The following LARGE1 variants were observed in gnomAD, a reference collection of about 807,000 sequenced individuals.
LARGE1 encodes the protein xylosyl- and glucuronyltransferase LARGE1.
A neutral mutation model predicts 87.6 loss-of-function variants in LARGE1; 43 were observed. The observed-to-expected ratio is 0.49, with a 90% CI of 0.38 to 0.63. LARGE1 has a LOEUF of 0.63. Ranked by LOEUF, LARGE1 falls within the 30% of genes least tolerant of loss-of-function variation. The probability of loss-of-function intolerance (pLI) is 0.00; values close to 1 mark genes in which losing one functional copy is unlikely to be tolerated. For synonymous variants in LARGE1, 434 were observed against 394.6 expected (o/e 1.10, Z -1.18); for missense variants, 802 against 1,000.2 (o/e 0.80, Z 2.67).
At position 33,428,625 on chromosome 22, in the gene LARGE1, A is replaced by T. The variant is rs1329351791; in HGVS notation, c.892+3536T>A. On this transcript the variant is annotated intron_variant, in intron 7 of 14. Transcript: ENST00000397394. ...ACCGTGCCTGGCCTTGTCCTATCTT[A>T]AAAAAGAGAGAGAACTGCTGGGCAC... is the stretch of plus-strand genomic sequence containing the variant. Among the ~76,000 whole-genome samples the T allele has an allele frequency of 2.8e-4, 6 of 21,160 alleles. No individual in the cohort carries two copies. In the African/African-American group the frequency reaches 3.6e-3, roughly 13 times the overall value. 13.9% of individuals were successfully genotyped at this position (21,160 alleles called of 152,430 possible). A position where few individuals can be genotyped will look rare whatever the true frequency, so the allele number is the denominator to read the frequency against.
At chr22:33,442,090 A>G (rs908584734) in intron 6 of LARGE1, among the ~76,000 whole-genome samples, 1 of 152,218 alleles carries the variant, frequency 6.6e-6, no homozygotes, top group African/African-American at 2.4e-5. Flanking sequence ...GTTAGGCTGA[A>G]TAAGTGAAGA....
At chr22:33,735,756 T>C (rs2083633971) in intron 2 of LARGE1, among the ~76,000 whole-genome samples, 1 of 152,236 alleles carries the variant, frequency 6.6e-6, no homozygotes, top group Non-Finnish European at 1.5e-5. Context: ...TTCCGTAGCA[T>C]TTTAATCACC....
At chr22:33,784,403 C>G (rs933391712) in intron 1 of LARGE1, among the ~76,000 whole-genome samples, 1 of 152,106 alleles carries the variant, frequency 6.6e-6, no homozygotes, top group African/African-American at 2.4e-5. Flanking sequence ...AAAATATAAA[C>G]CCAGCAATCT....
intron 1 of LARGE1, among the ~76,000 whole-genome samples, chr22:33,788,002 G>A (rs2145959479): frequency 6.6e-6 from 1 of 152,288 alleles, no homozygotes; most frequent in East Asian, 1.9e-4. Flanking sequence ...ATGAAACCCT[G>A]CCCAGTAAAG....
At chr22:33,685,242 A>T (rs931525561) in intron 2 of LARGE1, among the ~76,000 whole-genome samples, 2 of 152,216 alleles carry the variant, frequency 1.3e-5, no homozygotes, top group Non-Finnish European at 2.9e-5. Context: ...GCCAGGGGGT[A>T]TTAATATACA....
chr22:33,689,413 CAG>C (rs2082033607), intron 2 of LARGE1, among the ~76,000 whole-genome samples: 1 of 152,072 alleles, frequency 6.6e-6, no homozygotes, highest in South Asian at 2.1e-4. Flanking sequence ...AGATAAAACA[CAG>C]AGAGATGAGA....
At chr22:33,897,523 G>A (rs779152995) in intron 1 of LARGE1, among the ~76,000 whole-genome samples, 10 of 152,252 alleles carry the variant, frequency 6.6e-5, no homozygotes, top group Admixed American at 1.3e-4. Context: ...GCAGCATGAC[G>A]GGAATACGCA....
At chr22:33,281,257 G>A (rs979771805) in intron 13 of LARGE1, among the ~76,000 whole-genome samples, 3 of 152,152 alleles carry the variant, frequency 2.0e-5, no homozygotes, top group African/African-American at 7.2e-5. Flanking sequence ...GAAGACGGCA[G>A]GAAGGATGCC....
At chr22:33,350,462 G>A (rs1422074948) in intron 9 of LARGE1, among the ~76,000 whole-genome samples, 3 of 152,102 alleles carry the variant, frequency 2.0e-5, no homozygotes, top group African/African-American at 4.8e-5. Context: ...TGTCCTCCTC[G>A]GGGGTGTGAC....
At position 33,565,019 on chromosome 22, in the gene LARGE1, A is replaced by C; in HGVS notation, c.616T>G (p.Ser206Ala). 2 of 1,613,982 alleles carry C rather than the reference A, an allele frequency of 1.2e-6. No homozygotes were observed. The highest frequency in any genetic ancestry group is 1.7e-6 in the Non-Finnish European group (2 of 1,179,806). Reference sequence around the variant, plus strand: ...TTATTGGGGATCCAGGAAACTTCAGACTAGACAGAACAAGGCAGAGAGAGA... The same window carrying C: ...TTATTGGGGATCCAGGAAACTTCAGCCTAGACAGAACAAGGCAGAGAGAGA... ...VDFYNADELK[S>A]EVSWIPNKHY... The change falls in exon 6 of 15, where the codon TCT becomes GCT. Residue 206 changes from serine (S) to alanine (A), a missense_variant and splice_region_variant. Coordinates refer to ENST00000397394, the MANE Select transcript of LARGE1 (RefSeq NM_133642.5).
intron 11 of LARGE1, among the ~76,000 whole-genome samples, chr22:33,187,085 C>G (rs1332494982): frequency 1.3e-5 from 2 of 152,106 alleles, no homozygotes; most frequent in Non-Finnish European, 2.9e-5. Flanking sequence ...TATGGAGGTG[C>G]CTCAAAAACA....
At chr22:33,503,240 C>T (rs1217468594) in intron 6 of LARGE1, among the ~76,000 whole-genome samples, 3 of 150,130 alleles carry the variant, frequency 2.0e-5, no homozygotes, top group Non-Finnish European at 3.0e-5. Context: ...TTAGGAGTTC[C>T]CCTTTTTTTT....
rs200569382 is a variant in LARGE1 at position 33,534,417 on chromosome 22, C to CAA, written c.787+30429_787+30430dup. Among the ~76,000 whole-genome samples, 514 of 139,342 alleles carry CAA rather than the reference C, an allele frequency of 3.7e-3. 3 individuals are homozygous for CAA. The highest frequency in any genetic ancestry group is 0.012 in the African/African-American group (478 of 38,808). 91.4% of individuals were successfully genotyped at this position (139,342 alleles called of 152,430 possible). A position where few individuals can be genotyped will look rare whatever the true frequency, so the allele number is the denominator to read the frequency against. Reference sequence around the variant, plus strand: ...AGACTCTGTCTCAAAAACAAACAGACAAAAAAAAAAAGAGGGATGAAGTCA... The same window carrying CAA: ...AGACTCTGTCTCAAAAACAAACAGACAAAAAAAAAAAAAGAGGGATGAAGTCA... On this transcript the variant is annotated intron_variant, in intron 6 of 14. Coordinates refer to ENST00000397394, the MANE Select transcript of LARGE1 (RefSeq NM_133642.5).
chr22:33,642,991 A>G (rs780620126), intron 3 of LARGE1, among the ~76,000 whole-genome samples: 1 of 152,170 alleles, frequency 6.6e-6, no homozygotes, highest in Non-Finnish European at 1.5e-5. Flanking sequence ...CAGATCAATG[A>G]GCAGAAAATT....
At chr22:33,921,402 G>A (rs908624466), upstream of LARGE1, among the ~76,000 whole-genome samples, 36 of 152,366 alleles carry the variant, frequency 2.4e-4, 1 homozygote, top group Admixed American at 2.2e-3. The surrounding 1 kb of genome is among the most constrained non-coding windows in gnomAD (Gnocchi z 4.1). Context: ...CGGGCCCGCA[G>A]CTGCCGTGGT....
chr22:33,691,911 T>A (rs2082110659), intron 2 of LARGE1, among the ~76,000 whole-genome samples: 1 of 152,204 alleles, frequency 6.6e-6, no homozygotes, highest in Admixed American at 6.5e-5. Flanking sequence ...TTCTCCTAAG[T>A]GAAGAGGGTT....
intron 11 of LARGE1, among the ~76,000 whole-genome samples, chr22:33,185,593 G>T (rs1270711231): frequency 6.6e-6 from 1 of 152,110 alleles, no homozygotes; most frequent in Non-Finnish European, 1.5e-5. Context: ...TTTACTGATT[G>T]TAGCAAATGT....
intron 1 of LARGE1, among the ~76,000 whole-genome samples, chr22:33,913,176 T>C (rs1162626456): frequency 1.3e-5 from 2 of 152,166 alleles, no homozygotes; most frequent in Admixed American, 1.3e-4. Context: ...GCCTCTCCTG[T>C]ATACTCAAGC....
At chr22:33,160,445 G>T (rs1921985731), downstream of LARGE1, among the ~76,000 whole-genome samples, 1 of 152,174 alleles carries the variant, frequency 6.6e-6, no homozygotes, top group African/African-American at 2.4e-5. Flanking sequence ...CTACCTTGCT[G>T]GCTTTCTATT....
Sources: gnomAD v4.1 joint callset for allele counts (sites outside exome capture counted in the v4.1 genomes callset) on GRCh38, gnomAD v4.1.1 for gene constraint, Gnocchi (gnomAD v3.1) non-coding constraint, MANE v1.5 for transcripts, NCBI Gene and HGNC (gene_info 2026-07-23, HGNC 2026-07-21) for gene names.